AK9: variants seen among roughly 807,000 people sequenced by gnomAD.
AK9 encodes adenylate kinase 9.
Under a neutral mutation model 239.6 loss-of-function variants are expected in AK9, and 191 were observed. That is an observed-to-expected ratio of 0.80 (90% CI 0.71 to 0.90). The LOEUF (loss-of-function observed/expected upper bound fraction) is 0.90. Ranked by LOEUF, AK9 falls within the 40% of genes least tolerant of loss-of-function variation. The pLI, the probability that AK9 is intolerant of heterozygous loss-of-function variation, is 0.00. For synonymous variants in AK9, 689 were observed against 721.0 expected (o/e 0.96, Z 0.71); for missense variants, 1,995 against 2,214.7 (o/e 0.90, Z 1.99).
chr6:109,596,794 C>G lies in AK9; in HGVS notation c.1843-10722G>C, dbSNP rs541182776. On this transcript the variant is annotated intron_variant, in intron 17 of 40. Coordinates refer to ENST00000424296, the MANE Select transcript of AK9 (RefSeq NM_001145128.3). The stretch of plus-strand genomic sequence containing the variant: ...CATATCATTGCTATTAATAGAGCTG[C>G]GATAAATATATGAGTGCAGGTATCT... Among the ~76,000 whole-genome samples the G allele has an allele frequency of 5.3e-4, 80 of 152,182 alleles. 1 individual carries two copies. Among genetic ancestry groups the G allele is most frequent in the Non-Finnish European group, 6.9e-4 (47 of 68,028 alleles).
chr6:109,650,852 C>T (rs1195844601), intron 8 of AK9, among the ~76,000 whole-genome samples: 1 of 152,166 alleles, frequency 6.6e-6, no homozygotes, highest in Non-Finnish European at 1.5e-5. Flanking sequence ...CAACGACAGA[C>T]TGGATTAAGA....
At chr6:109,540,606 T>G (rs1782749680) in intron 27 of AK9, among the ~76,000 whole-genome samples, 1 of 152,190 alleles carries the variant, frequency 6.6e-6, no homozygotes, top group South Asian at 2.1e-4. Flanking sequence ...CTGCACCCAC[T>G]GTCCTGCACC....
intron 1 of AK9, among the ~76,000 whole-genome samples, chr6:109,680,215 T>C (rs1772411758): frequency 6.6e-6 from 1 of 152,186 alleles, no homozygotes; most frequent in Non-Finnish European, 1.5e-5. Flanking sequence ...GATAAAAGGT[T>C]AGATGAATTG....
chr6:109,547,276 G>A (rs952035776), intron 25 of AK9, among the ~76,000 whole-genome samples: 8 of 152,152 alleles, frequency 5.3e-5, no homozygotes, highest in Non-Finnish European at 8.8e-5. Flanking sequence ...ATTTTAAGAA[G>A]GCATTGATAT....
Position 109,530,189 on chromosome 6 carries a change from G to T in AK9, c.3571-1116C>A, listed in dbSNP as rs537307516. ...TATTGGCTCAGGACTCTGTAAACTGGTCTCCCTTTAAATACCGGGAAGATA... is the reference window on the plus strand; with the variant it reads ...TATTGGCTCAGGACTCTGTAAACTGTTCTCCCTTTAAATACCGGGAAGATA... On this transcript the variant is annotated intron_variant, in intron 28 of 40. Coordinates refer to ENST00000424296, the MANE Select transcript of AK9 (RefSeq NM_001145128.3). Among the ~76,000 whole-genome samples the T allele has an allele frequency of 2.0e-5, 3 of 152,226 alleles. No individual in the cohort carries two copies. The South Asian group carries it at 6.2e-4, about 32-fold the overall frequency.
rs73762762 is a variant in AK9 at position 109,503,780 on chromosome 6, G to A, written c.4849+2547C>T. On this transcript the variant is annotated intron_variant, in intron 35 of 40. Transcript: ENST00000424296. ...ACCTGGCACTGATTGCTCACAGCTGGACTGGAAATTGCCCTTCTGTCACAG... is the reference window on the plus strand; with the variant it reads ...ACCTGGCACTGATTGCTCACAGCTGAACTGGAAATTGCCCTTCTGTCACAG... Among the ~76,000 whole-genome samples the A allele has an allele frequency of 4.3e-3, 648 of 152,240 alleles. 7 individuals carry two copies. The highest frequency in any genetic ancestry group is 0.015 in the African/African-American group (626 of 41,548).
At chr6:109,675,503 T>C in intron 2 of AK9, 126 bp downstream of exon 2, 1 of 584,472 alleles carries the variant, frequency 1.7e-6, no homozygotes, top group Non-Finnish European at 2.8e-6. Flanking sequence ...TTAAGTCATA[T>C]AATAAAAGCT....
intron 31 of AK9, among the ~76,000 whole-genome samples, chr6:109,514,857 C>T (rs532967476): frequency 6.6e-6 from 1 of 152,136 alleles, no homozygotes; most frequent in South Asian, 2.1e-4. Context: ...CCCTAGCACC[C>T]CAAGTGACTA....
chr6:109,550,978 C>A (rs1784288404), intron 24 of AK9, among the ~76,000 whole-genome samples: 1 of 151,876 alleles, frequency 6.6e-6, no homozygotes, highest in Non-Finnish European at 1.5e-5. Context: ...TCTTCCAGTA[C>A]TATGTTAGCA....
intron 19 of AK9, among the ~76,000 whole-genome samples, chr6:109,584,713 TAGTC>T (rs768044622): frequency 6.6e-6 from 1 of 151,988 alleles, no homozygotes; most frequent in East Asian, 1.9e-4. Flanking sequence ...GTGTAGAACT[TAGTC>T]AGGCTTTGGA....
At chr6:109,662,377 G>C (rs548033450) in intron 6 of AK9, among the ~76,000 whole-genome samples, 174 bp downstream of exon 6, 1 of 152,282 alleles carries the variant, frequency 6.6e-6, no homozygotes, top group South Asian at 2.1e-4. Context: ...ATCTCATGTG[G>C]ATGGAGCTTT....
At chr6:109,639,916 C>T (rs1445285913) in intron 10 of AK9, among the ~76,000 whole-genome samples, 3 of 152,100 alleles carry the variant, frequency 2.0e-5, no homozygotes, top group Non-Finnish European at 4.4e-5. Context: ...ATCCTTTCCC[C>T]ATTTCTTGTT....
At chr6:109,686,392 TAAAAA>T (rs1438843324) in intron 1 of AK9, among the ~76,000 whole-genome samples, 1 of 152,190 alleles carries the variant, frequency 6.6e-6, no homozygotes, top group Non-Finnish European at 1.5e-5. Context: ...CTTCAACCTC[TAAAAA>T]AGAGGCACAG....
intron 5 of AK9, among the ~76,000 whole-genome samples, chr6:109,668,457 C>A (rs1801577812): frequency 6.6e-6 from 1 of 151,654 alleles, no homozygotes; most frequent in African/African-American, 2.4e-5. Flanking sequence ...GTATTTTAGA[C>A]ATGAAGTCCT....
chr6:109,567,665 T>C (rs945882824), intron 21 of AK9, among the ~76,000 whole-genome samples: 2 of 136,112 alleles, frequency 1.5e-5, no homozygotes, highest in Non-Finnish European at 3.0e-5. Context: ...TTTTCACTCA[T>C]AGGTGGGAAT....
chr6:109,626,815 C>T (rs900783963), intron 12 of AK9, among the ~76,000 whole-genome samples: 3 of 152,146 alleles, frequency 2.0e-5, no homozygotes, highest in Non-Finnish European at 4.4e-5. Flanking sequence ...ATGAAACTTG[C>T]AAGTCTAGAA....
At chr6:109,516,218 G>T in intron 30 of AK9, 143 bp from the exon 31 acceptor site, 1 of 915,358 alleles carries the variant, frequency 1.1e-6, no homozygotes, top group Non-Finnish European at 1.6e-6. Context: ...GCTGCATGTT[G>T]GTGACTAAAC....
chr6:109,542,074 G>C lies in AK9; in HGVS notation c.3323C>G (p.Ser1108Cys). Reference sequence around the variant, plus strand: ...TATTGGTTCCTTAAGCCACCACTCAGAAAGAATTACTTCAAGAATTTCAGG... The same window carrying C: ...TATTGGTTCCTTAAGCCACCACTCACAAAGAATTACTTCAAGAATTTCAGG... ...LPPEILEVIL[S>C]EWWLKEPIRS... The change falls in exon 27 of 41, where the codon TCT (serine) becomes TGT (cysteine). Residue 1108 changes from serine to cysteine, a missense_variant. Around this residue, in one of 5 missense-constraint regions of AK9, gnomAD observed 1,290 missense variants for 1,392.7 expected, o/e 0.93. Coordinates refer to ENST00000424296, the MANE Select transcript of AK9 (RefSeq NM_001145128.3). 13 of 1,604,408 alleles carry C rather than the reference G, an allele frequency of 8.1e-6. No homozygotes were observed. Among genetic ancestry groups the C allele is most frequent in the Non-Finnish European group, 1.0e-5 (12 of 1,173,038 alleles).
At chr6:109,676,608 T>C (rs1276354147) in intron 1 of AK9, among the ~76,000 whole-genome samples, 1 of 152,078 alleles carries the variant, frequency 6.6e-6, no homozygotes, top group African/African-American at 2.4e-5. Flanking sequence ...GATAAAAGTA[T>C]TTTTAAAAAT....
Sources: gnomAD v4.1 joint callset for allele counts (sites outside exome capture counted in the v4.1 genomes callset) on GRCh38, gnomAD v4.1.1 for gene constraint, gnomAD v4.1.1 regional missense constraint, MANE v1.5 for transcripts, NCBI Gene and HGNC (gene_info 2026-07-23, HGNC 2026-07-21) for gene names.